OAT: variants seen among roughly 807,000 people sequenced by gnomAD.
The protein encoded by OAT is ornithine aminotransferase, mitochondrial.
Under a neutral mutation model 48.4 loss-of-function variants are expected in OAT, and 35 were observed. The observed-to-expected ratio is 0.72, with a 90% CI of 0.55 to 0.96. The LOEUF (loss-of-function observed/expected upper bound fraction) is 0.96. Among genes scored for constraint, OAT ranks in the 40% least tolerant of loss-of-function variants. The probability of loss-of-function intolerance (pLI) is 0.00; values close to 1 mark genes in which losing one functional copy is unlikely to be tolerated. For synonymous variants in OAT, 182 were observed against 198.4 expected, an observed-to-expected ratio of 0.92 and a Z score of 0.70; for missense variants, 438 against 537.9, an observed-to-expected ratio of 0.81 and a Z score of 1.84.
rs1951385417 is a variant in OAT, at chr10:124,400,838, A to ATG, written c.1159+1_1159+2insCA. The ATG allele has an allele frequency of 6.3e-7, 1 of 1,591,708 alleles. No individual in the cohort carries two copies. Among genetic ancestry groups the ATG allele is most frequent in the East Asian group, 2.2e-5 (1 of 44,614 alleles). On this transcript the variant is annotated splice_donor_variant, in intron 9 of 9. Coordinates refer to ENST00000368845, the MANE Select transcript of OAT (RefSeq NM_000274.4). LOFTEE classifies it high-confidence loss of function. Reference sequence around the variant, plus strand: ...TCTTGAGTAAATGTTTTATCTCCATACCTTTGGTTTCTTTAATGACAATAG... The same window carrying ATG: ...TCTTGAGTAAATGTTTTATCTCCATATGCCTTTGGTTTCTTTAATGACAATAG...
chr10:124,413,447 T>C (rs1035136475), intron 1 of OAT, among the ~76,000 whole-genome samples: 1 of 152,002 alleles, frequency 6.6e-6, no homozygotes, highest in Non-Finnish European at 1.5e-5. Context: ...GCACTTTGGG[T>C]GGCAGAGGCA....
At chr10:124,400,770 A>T (rs1210020262) in intron 9 of OAT, 70 bp downstream of exon 9, 3 of 1,210,914 alleles carry the variant, frequency 2.5e-6, no homozygotes, top group East Asian at 2.5e-5. Flanking sequence ...TAAATTAATT[A>T]AATTAAATAC....
chr10:124,404,142 C>T (rs1254148016), intron 5 of OAT, among the ~76,000 whole-genome samples: 2 of 152,186 alleles, frequency 1.3e-5, no homozygotes, highest in Non-Finnish European at 1.5e-5. Flanking sequence ...CATTCTGTTG[C>T]CCAGGCTGGA....
At chr10:124,409,112 G>T in intron 2 of OAT, 147 bp from the exon 3 acceptor site, 2 of 613,558 alleles carry the variant, frequency 3.3e-6, no homozygotes, top group Non-Finnish European at 5.7e-6. Flanking sequence ...TTTTAGCTCA[G>T]GCATAATAAA....
chr10:124,415,966 T>TA (rs1218094598), intron 1 of OAT, among the ~76,000 whole-genome samples: 1 of 152,190 alleles, frequency 6.6e-6, no homozygotes, highest in Non-Finnish European at 1.5e-5. Flanking sequence ...TTTCAGTTGA[T>TA]AAAAAATTAG....
chr10:124,411,544 G>A (rs544380523), intron 2 of OAT, among the ~76,000 whole-genome samples: 5 of 152,220 alleles, frequency 3.3e-5, no homozygotes, highest in African/African-American at 7.2e-5. Flanking sequence ...CTGGCCAGGC[G>A]TGGTGGCTCA....
intron 2 of OAT, among the ~76,000 whole-genome samples, chr10:124,411,183 C>CTGCAACTT (rs1428263869): frequency 7.3e-6 from 1 of 137,120 alleles, no homozygotes; most frequent in Non-Finnish European, 1.5e-5. Flanking sequence ...GATGTCATGT[C>CTGCAACTT]TGCAACTTCC....
chr10:124,404,337 G>A (rs2134461704), intron 5 of OAT, among the ~76,000 whole-genome samples: 1 of 150,650 alleles, frequency 6.6e-6, no homozygotes, highest in East Asian at 2.0e-4. Context: ...GCACGATCTT[G>A]GCTTACTGCA....
At position 124,405,502 on chromosome 10, in the gene OAT, G is replaced by A. The variant is rs754489812; in HGVS notation, c.582C>T (p.Tyr194=). 61 of 1,614,014 alleles carry A rather than the reference G, an allele frequency of 3.8e-5. No homozygotes were observed. Among genetic ancestry groups the A allele is most frequent in the South Asian group, 5.5e-5 (5 of 91,088 alleles). ...AISSSTDPTS[Y]DGFGPFMPGF... The stretch of plus-strand genomic sequence containing the variant: ...CCGGCATAAATGGTCCAAAACCATC[G>A]TAACTGGTTGGGTCTGTGGAACTGG... Residue 194 remains tyrosine (Y), a synonymous_variant, in exon 5 of 10, where the codon TAC becomes TAT. Transcript: ENST00000368845.
At position 124,401,748 on chromosome 10, in the gene OAT, C is replaced by A. The variant is rs201504751; in HGVS notation, c.992G>T (p.Arg331Leu). The change falls in exon 8 of 10, where the codon CGA becomes CTA. Residue 331 changes from arginine (R) to leucine (L), a missense_variant. Arg to Leu is a moderately radical substitution (Grantham distance 102). Transcript: ENST00000368845. ...TACCTCAAGGGCTGCGATGGCCACT[C>A]GGCAGCCTAGTGGATTGCCACCGTA... The part of the protein sequence containing the change: ...STYGGNPLGC[R>L]VAIAALEVLE... 9 of 1,612,140 alleles carry A rather than the reference C, an allele frequency of 5.6e-6. No homozygotes were observed. Among genetic ancestry groups the A allele is most frequent in the Non-Finnish European group, 6.8e-6 (8 of 1,178,966 alleles).
chr10:124,401,065 G>C (rs1334670323), intron 8 of OAT, 81 bp from the exon 9 acceptor site: 10 of 934,848 alleles, frequency 1.1e-5, no homozygotes, highest in Non-Finnish European at 1.7e-5. Context: ...TGTAAACACA[G>C]GAAAAACATG....
At chr10:124,415,383 A>C (rs80185957) in intron 1 of OAT, among the ~76,000 whole-genome samples, 9,738 of 152,206 alleles carry the variant, frequency 0.064, 433 homozygotes, top group Non-Finnish European at 0.084. Flanking sequence ...CTTCTGCCTC[A>C]GCCTCAGGAA....
intron 7 of OAT, among the ~76,000 whole-genome samples, chr10:124,402,508 G>A (rs1951440413): frequency 6.6e-6 from 1 of 152,226 alleles, no homozygotes; most frequent in African/African-American, 2.4e-5. Context: ...GACCTCTGAT[G>A]TAGTAACAAT....
chr10:124,413,876 G>A (rs556054893), intron 1 of OAT, among the ~76,000 whole-genome samples: 3 of 151,870 alleles, frequency 2.0e-5, no homozygotes, highest in African/African-American at 7.2e-5. Context: ...GTCACCCCCA[G>A]CCCTAAAACT....
At chr10:124,408,339 ATATAT>A (rs1403798431) in intron 4 of OAT, among the ~76,000 whole-genome samples, 198 bp downstream of exon 4, 23 of 101,850 alleles carry the variant, frequency 2.3e-4, no homozygotes, top group East Asian at 7.7e-4. Context: ...ATATATATAT[ATATAT>A]TTTTTTTTTT....
intron 4 of OAT, among the ~76,000 whole-genome samples, chr10:124,406,474 G>C (rs903010546): frequency 6.6e-6 from 1 of 151,768 alleles, no homozygotes; most frequent in Non-Finnish European, 1.5e-5. Context: ...CTGGGTGACA[G>C]AGCAAGACTG....
At chr10:124,403,966 C>T in intron 5 of OAT, 46 bp from the exon 6 acceptor site, 1 of 1,611,658 alleles carries the variant, frequency 6.2e-7, no homozygotes, top group Non-Finnish European at 8.5e-7. Context: ...CTTTCTACCA[C>T]ACTTGGAAAT....
intron 9 of OAT, among the ~76,000 whole-genome samples, chr10:124,398,462 G>T (rs143896140): frequency 6.6e-6 from 1 of 151,396 alleles, no homozygotes; most frequent in Non-Finnish European, 1.5e-5. Context: ...AGCGGAGATC[G>T]CGCCACTGCA....
At position 124,397,917 on chromosome 10, in the gene OAT, G is replaced by T; in HGVS notation, c.*25C>A. The T allele has an allele frequency of 6.2e-7, 1 of 1,613,386 alleles. No individual in the cohort carries two copies. On this transcript the variant is annotated 3_prime_UTR_variant, in exon 10 of 10. Transcript: ENST00000368845. Reference sequence around the variant, plus strand: ...CACCTGTCTCCAGCTGGCTCCCAGGGACCACTGAAAACAGCTGGCTACCCT... The same window carrying T: ...CACCTGTCTCCAGCTGGCTCCCAGGTACCACTGAAAACAGCTGGCTACCCT...
Sources: gnomAD v4.1 joint callset for allele counts (sites outside exome capture counted in the v4.1 genomes callset) on GRCh38, gnomAD v4.1.1 for gene constraint, MANE v1.5 for transcripts, NCBI Gene and HGNC (gene_info 2026-07-23, HGNC 2026-07-21) for gene names.